The following CATSPERB variants were observed in gnomAD, a reference collection of about 807,000 sequenced individuals.
CATSPERB encodes cation channel sperm-associated auxiliary subunit beta.
CATSPERB carries 93 observed loss-of-function variants against 128.3 expected under a neutral mutation model. The ratio of observed to expected loss-of-function variants is 0.72; its 90% CI spans 0.61 to 0.86. The LOEUF is 0.86. Among genes scored for constraint, CATSPERB ranks in the 40% least tolerant of loss-of-function variants. CATSPERB has a pLI of 0.00. For synonymous variants in CATSPERB, 381 were observed against 448.8 expected (o/e 0.85, Z 1.91); for missense variants, 1,153 against 1,329.5 (o/e 0.87, Z 2.06).
At chr14:91,605,100 C>T (rs1037091651) in intron 22 of CATSPERB, 7 of 1,263,374 alleles carry the variant, frequency 5.5e-6, no homozygotes, top group African/African-American at 1.5e-5. Flanking sequence ...GGTTGTTTGC[C>T]TTTGGGAGGG....
At position 91,580,895 on chromosome 14, in the gene CATSPERB, T is replaced by C. The variant is rs775332102; in HGVS notation, c.3345A>G (p.Glu1115=). 1.9e-6 allele frequency: 3 copies of C among 1,613,578 alleles called. No homozygotes were observed. In the South Asian group the frequency reaches 3.3e-5, roughly 18 times the overall value. The change falls in exon 27 of 27, where the codon GAA becomes GAG. Residue 1115 remains glutamate (E), a synonymous_variant. Coordinates refer to ENST00000256343, the MANE Select transcript of CATSPERB (RefSeq NM_024764.4). ...LSELIHRSKS[E]E is the part of the protein sequence containing the mutation. ...AATTATGATCACCATGTGTTCACTCTTCAGACTTTGATCTATGAATCAGCT... is the reference window on the plus strand; with the variant it reads ...AATTATGATCACCATGTGTTCACTCCTCAGACTTTGATCTATGAATCAGCT...
In CATSPERB at chr14:91,621,763, T is replaced by C. The variant is rs2139787790; in HGVS notation, c.2105A>G (p.Asn702Ser). 6.2e-7 allele frequency: 1 copy of C among 1,614,174 alleles called. No homozygotes were observed. Among genetic ancestry groups the C allele is most frequent in the East Asian group, 2.2e-5 (1 of 44,876 alleles). The change falls in exon 19 of 27, where the codon AAC (asparagine) becomes AGC (serine). Residue 702 changes from asparagine to serine, a missense_variant. Transcript: ENST00000256343. ...TFLKSTWFLY[N>S]FGQRNGRTWK... is the part of the protein sequence containing the mutation. Reference sequence around the variant, plus strand: ...TGTTCGTCCATTCCTTTGCCCAAAGTTGTATAAGAACCATGTGCTCTTTAG... The same window carrying C: ...TGTTCGTCCATTCCTTTGCCCAAAGCTGTATAAGAACCATGTGCTCTTTAG...
At chr14:91,601,093 A>T (rs1480317591) in intron 22 of CATSPERB, among the ~76,000 whole-genome samples, 1 of 152,230 alleles carries the variant, frequency 6.6e-6, no homozygotes, top group East Asian at 1.9e-4. Context: ...TTCTACTCTA[A>T]GGCTTACTTT....
At chr14:91,686,696 G>A (rs549105925) in intron 10 of CATSPERB, among the ~76,000 whole-genome samples, 10 of 152,156 alleles carry the variant, frequency 6.6e-5, no homozygotes, top group African/African-American at 1.7e-4. Flanking sequence ...AGGACAATTC[G>A]TGATTATTTT....
Position 91,618,594 on chromosome 14 carries a change from T to C in CATSPERB, c.2261-858A>G, listed in dbSNP as rs1417517847. ...GAAAAACTGAAGGGTACATGCCCAG[T>C]TGAAAGGGCTGCCAGTTAATTGTTG... is the stretch of plus-strand genomic sequence containing the variant. On this transcript the variant is annotated intron_variant, in intron 19 of 26. Transcript: ENST00000256343. 2.6e-5 allele frequency among the ~76,000 whole-genome samples: 4 copies of C among 152,318 alleles called. No individual in the cohort carries two copies. The East Asian group carries it at 7.7e-4, about 29-fold the overall frequency.
In CATSPERB at chr14:91,609,662, A is replaced by G. The variant is rs183118563; in HGVS notation, c.2598+818T>C. On this transcript the variant is annotated intron_variant, in intron 21 of 26. Transcript: ENST00000256343. ...ATAGCAAATGATAAAATAGACTAGT[A>G]TCTATATATATTTTATGCATTCATG... Among the ~76,000 whole-genome samples, 6 of 152,336 alleles carry G rather than the reference A, an allele frequency of 3.9e-5. No homozygotes were observed. In the East Asian group the frequency reaches 1.2e-3, roughly 29 times the overall value.
At chr14:91,649,501 CT>C (rs11433742) in intron 15 of CATSPERB, among the ~76,000 whole-genome samples, 43,855 of 145,354 alleles carry the variant, frequency 0.3, 6,443 homozygotes, top group Middle Eastern at 0.35. Context: ...ATTGTACACA[CT>C]TTTTTTTTTT....
At position 91,669,800 on chromosome 14, in the gene CATSPERB, C is replaced by T; in HGVS notation, c.1287+14G>A. On this transcript the variant is annotated intron_variant, in intron 14 of 26. Coordinates refer to ENST00000256343, the MANE Select transcript of CATSPERB (RefSeq NM_024764.4). Reference sequence around the variant, plus strand: ...TTTAACTCTAACACAGACTGAAGTTCCATGTGTACGCACCTGATTGCCATA... The same window carrying T: ...TTTAACTCTAACACAGACTGAAGTTTCATGTGTACGCACCTGATTGCCATA... The T allele has an allele frequency of 6.3e-7, 1 of 1,599,920 alleles. No homozygotes were observed. The highest frequency in any genetic ancestry group is 2.2e-5 in the East Asian group (1 of 44,650).
chr14:91,603,334 G>C, intron 22 of CATSPERB: 1 of 1,600,652 alleles, frequency 6.2e-7, no homozygotes, highest in Non-Finnish European at 8.6e-7. Flanking sequence ...AGTGGGGGTG[G>C]TTTCAACACT....
Position 91,669,985 on chromosome 14 carries a change from A to C in CATSPERB, c.1129-13T>G. On this transcript the variant is annotated splice_polypyrimidine_tract_variant and intron_variant, in intron 13 of 26. Transcript: ENST00000256343. Reference sequence around the variant, plus strand: ...CAGTTTTCCTGACCTAGGTAAACAAAGAATGAGCAAGTCATAAGACTAGTC... The same window carrying C: ...CAGTTTTCCTGACCTAGGTAAACAACGAATGAGCAAGTCATAAGACTAGTC... 6.2e-7 allele frequency: 1 copy of C among 1,608,298 alleles called. No individual in the cohort carries two copies. Among genetic ancestry groups the C allele is most frequent in the Non-Finnish European group, 8.5e-7 (1 of 1,177,882 alleles).
At chr14:91,630,817 G>C (rs1033878301) in intron 17 of CATSPERB, among the ~76,000 whole-genome samples, 12 of 152,036 alleles carry the variant, frequency 7.9e-5, no homozygotes, top group African/African-American at 2.9e-4. Context: ...TTCTCCAATG[G>C]TTTCTGCTGA....
In CATSPERB at chr14:91,624,804, A is replaced by G; in HGVS notation, c.1930+16T>C. 6.5e-7 allele frequency: 1 copy of G among 1,545,362 alleles called. No homozygotes were observed. The highest frequency in any genetic ancestry group is 8.7e-7 in the Non-Finnish European group (1 of 1,146,364). On this transcript the variant is annotated intron_variant, in intron 18 of 26. Coordinates refer to ENST00000256343, the MANE Select transcript of CATSPERB (RefSeq NM_024764.4). ...TTTTTCTAGCCATCAGAGATGTATG[A>G]TATTATTATACCTACCTTGTGAATC...
At position 91,668,594 on chromosome 14, in the gene CATSPERB, C is replaced by T. The variant is rs138985331; in HGVS notation, c.1287+1220G>A. On this transcript the variant is annotated intron_variant, in intron 14 of 26. Transcript: ENST00000256343. ...CCATGCTGTGGAAGCTTTGTTCTTTCGCTCTTCACAATAAGTCTTGCTGCT... is the reference window on the plus strand; with the variant it reads ...CCATGCTGTGGAAGCTTTGTTCTTTTGCTCTTCACAATAAGTCTTGCTGCT... Among the ~76,000 whole-genome samples, 754 of 152,298 alleles carry T rather than the reference C, an allele frequency of 5.0e-3. 22 individuals are homozygous for T. The highest frequency in any genetic ancestry group is 0.045 in the Admixed American group (683 of 15,306).
At position 91,593,865 on chromosome 14, in the gene CATSPERB, C is replaced by T. The variant is rs562910900; in HGVS notation, c.2710-1863G>A. On this transcript the variant is annotated intron_variant, in intron 22 of 26. Transcript: ENST00000256343. ...CTTGAATTGCATCTTCCAGAATTCC[C>T]GCATGTTGTGGAAGGGACCCAGGGG... 5.3e-5 allele frequency among the ~76,000 whole-genome samples: 8 copies of T among 151,832 alleles called. No individual in the cohort carries two copies. In the South Asian group the frequency reaches 1.0e-3, roughly 20 times the overall value.
chr14:91,584,945 A>C (rs1021324617), intron 26 of CATSPERB, among the ~76,000 whole-genome samples: 2 of 152,120 alleles, frequency 1.3e-5, no homozygotes, highest in Admixed American at 6.5e-5. Context: ...ATGTAAACTT[A>C]CGTCTTCACC....
At chr14:91,660,084 C>T in intron 14 of CATSPERB, 103 bp from the exon 15 acceptor site, 1 of 824,488 alleles carries the variant, frequency 1.2e-6, no homozygotes. Flanking sequence ...TGATCTTTTC[C>T]ATATGCCTAC....
At chr14:91,683,286 C>A (rs961701385) in intron 11 of CATSPERB, among the ~76,000 whole-genome samples, 1 of 152,206 alleles carries the variant, frequency 6.6e-6, no homozygotes, top group African/African-American at 2.4e-5. Flanking sequence ...TCTGGTACCT[C>A]CTAACTATGG....
In CATSPERB at chr14:91,729,381, T is replaced by G. The variant is rs1896173852; in HGVS notation, c.79+20A>C. On this transcript the variant is annotated intron_variant, in intron 2 of 26. Coordinates refer to ENST00000256343, the MANE Select transcript of CATSPERB (RefSeq NM_024764.4). Reference sequence around the variant, plus strand: ...GAACTCCTGAGAAGGAAATAGAGAGTAAGATGGTCTGAAACTTACCTTTAT... The same window carrying G: ...GAACTCCTGAGAAGGAAATAGAGAGGAAGATGGTCTGAAACTTACCTTTAT... 1 of 1,137,208 alleles carries G rather than the reference T, an allele frequency of 8.8e-7. No homozygotes were observed. The highest frequency in any genetic ancestry group is 1.6e-5 in the African/African-American group (1 of 63,274). 70.4% of individuals were successfully genotyped at this position (1,137,208 alleles called of 1,614,324 possible).
chr14:91,710,896 G>A (rs994052068), intron 5 of CATSPERB, among the ~76,000 whole-genome samples: 3 of 152,148 alleles, frequency 2.0e-5, no homozygotes, highest in African/African-American at 7.2e-5. Context: ...AGCTTCTCTA[G>A]AGCTCTAGCA....
Sources: allele counts gnomAD v4.1 joint callset (sites outside exome capture counted in the v4.1 genomes callset), GRCh38; gene constraint gnomAD v4.1.1; transcripts MANE v1.5; gene names NCBI Gene and HGNC (gene_info 2026-07-23, HGNC 2026-07-21).